The following CDH12 variants were observed in gnomAD, a reference collection of about 807,000 sequenced individuals.
CDH12 encodes cadherin-12.
In CDH12, 41 loss-of-function variants were observed where a neutral mutation model predicts 74.1. That is an observed-to-expected ratio of 0.55 (90% CI 0.43 to 0.72). CDH12 has a LOEUF of 0.72. Among genes scored for constraint, CDH12 ranks in the 30% least tolerant of loss-of-function variants. The probability of loss-of-function intolerance (pLI) is 0.00; values close to 1 mark genes in which losing one functional copy is unlikely to be tolerated. For synonymous variants in CDH12, 399 were observed against 355.0 expected, an observed-to-expected ratio of 1.12 and a Z score of -1.39; for missense variants, 945 against 977.2, an observed-to-expected ratio of 0.97 and a Z score of 0.44.
chr5:22,580,647 G>A (rs139499805), intron 1 of CDH12: 113 of 453,382 alleles, frequency 2.5e-4, no homozygotes, highest in African/African-American at 2.2e-3. Flanking sequence ...CCACAAAATA[G>A]GCACAGCCTG....
chr5:21,857,603 A>G (rs977179523), intron 6 of CDH12, among the ~76,000 whole-genome samples: 2 of 151,940 alleles, frequency 1.3e-5, no homozygotes, highest in African/African-American at 2.4e-5. Flanking sequence ...AAACTATGAT[A>G]AAGCAAAGAA....
chr5:22,442,956 A>T (rs1449524994), intron 2 of CDH12, among the ~76,000 whole-genome samples: 1 of 151,716 alleles, frequency 6.6e-6, no homozygotes, highest in Non-Finnish European at 1.5e-5. Context: ...AGATGAGACA[A>T]CACATTGAAT....
At chr5:21,946,652 G>A (rs1026155218) in intron 6 of CDH12, among the ~76,000 whole-genome samples, 2 of 152,148 alleles carry the variant, frequency 1.3e-5, no homozygotes, top group African/African-American at 4.8e-5. Context: ...GTTTTGCTCA[G>A]CAATAGACTG....
At chr5:21,828,786 A>G (rs1266160234) in intron 8 of CDH12, among the ~76,000 whole-genome samples, 1 of 152,058 alleles carries the variant, frequency 6.6e-6, no homozygotes, top group Non-Finnish European at 1.5e-5. Context: ...ATTTCTATGT[A>G]TAAAATCTAT....
At chr5:21,854,619 G>A (rs1340325087) in intron 7 of CDH12, 52 bp downstream of exon 7, 2 of 1,400,956 alleles carry the variant, frequency 1.4e-6, no homozygotes, top group Non-Finnish European at 1.9e-6. Context: ...TTTAATTAAA[G>A]TTTAAATATT....
intron 1 of CDH12, among the ~76,000 whole-genome samples, chr5:22,850,376 T>C (rs1213621581): frequency 6.6e-6 from 1 of 152,112 alleles, no homozygotes; most frequent in African/African-American, 2.4e-5. Context: ...TTTTAAAAGC[T>C]CTGAGTTTAA....
chr5:22,581,066 T>G (rs1206852533), intron 1 of CDH12, among the ~76,000 whole-genome samples: 1 of 152,184 alleles, frequency 6.6e-6, no homozygotes, highest in Non-Finnish European at 1.5e-5. Context: ...AAAAATCCCA[T>G]TTTCTGGGGA....
chr5:22,613,670 T>C (rs1243781298), intron 1 of CDH12, among the ~76,000 whole-genome samples: 1 of 152,128 alleles, frequency 6.6e-6, no homozygotes, highest in Non-Finnish European at 1.5e-5. Context: ...AAGGATTAAA[T>C]GTGACCAAAA....
intron 1 of CDH12, among the ~76,000 whole-genome samples, chr5:22,752,345 C>T (rs1273702192): frequency 2.0e-5 from 3 of 151,542 alleles, no homozygotes; most frequent in Non-Finnish European, 2.9e-5. Flanking sequence ...ATTAGGCTTT[C>T]AAAGAAGCCG....
At chr5:22,839,596 T>C (rs1478145487) in intron 1 of CDH12, among the ~76,000 whole-genome samples, 2 of 152,096 alleles carry the variant, frequency 1.3e-5, no homozygotes, top group Admixed American at 1.3e-4. Flanking sequence ...ACACATGTGT[T>C]CCTCCTGCCT....
intron 1 of CDH12, among the ~76,000 whole-genome samples, chr5:22,692,629 A>G (rs1433052295): frequency 1.3e-5 from 2 of 152,220 alleles, no homozygotes; most frequent in Non-Finnish European, 2.9e-5. Flanking sequence ...CATTCAAGGT[A>G]TCAGCTGACA....
At chr5:22,410,663 C>T (rs1743135489) in intron 2 of CDH12, among the ~76,000 whole-genome samples, 2 of 152,118 alleles carry the variant, frequency 1.3e-5, no homozygotes, top group South Asian at 2.1e-4. Flanking sequence ...ATTAATCTGC[C>T]TTTTGCAAGT....
At chr5:22,103,425 A>G (rs1457935918) in intron 4 of CDH12, among the ~76,000 whole-genome samples, 1 of 152,190 alleles carries the variant, frequency 6.6e-6, no homozygotes, top group Non-Finnish European at 1.5e-5. Flanking sequence ...GCTGCTCATC[A>G]ACACTGATTT....
chr5:22,321,572 C>G lies in CDH12; in HGVS notation c.-333+83685G>C, dbSNP rs572429699. Among the ~76,000 whole-genome samples the G allele has an allele frequency of 2.7e-5, 4 of 146,724 alleles. No individual in the cohort carries two copies. The South Asian group carries it at 8.9e-4, about 33-fold the overall frequency. On this transcript the variant is annotated intron_variant, in intron 3 of 14. Coordinates refer to ENST00000382254, the MANE Select transcript of CDH12 (RefSeq NM_004061.5). ...TGACGAGTTAGTGGGTGCAGCGCAC[C>G]AGCACGGCACATGTATACATATGTA...
chr5:22,263,770 A>G (rs894009490), intron 3 of CDH12, among the ~76,000 whole-genome samples: 4 of 152,032 alleles, frequency 2.6e-5, no homozygotes, highest in Admixed American at 2.0e-4. Context: ...CACCTTCACA[A>G]TAACTTTGAA....
chr5:22,182,353 T>C (rs1231122260), intron 4 of CDH12, among the ~76,000 whole-genome samples: 1 of 152,156 alleles, frequency 6.6e-6, no homozygotes, highest in South Asian at 2.1e-4. Flanking sequence ...CACATGTTGG[T>C]GTTGTAATTG....
chr5:21,956,480 A>C (rs2150106081), intron 6 of CDH12, among the ~76,000 whole-genome samples: 1 of 152,146 alleles, frequency 6.6e-6, no homozygotes, highest in Non-Finnish European at 1.5e-5. Flanking sequence ...TTTAGACATC[A>C]GTTTTGTCTT....
chr5:22,065,621 T>C (rs1339195483), intron 5 of CDH12, among the ~76,000 whole-genome samples: 3 of 152,100 alleles, frequency 2.0e-5, no homozygotes, highest in Non-Finnish European at 4.4e-5. Flanking sequence ...TGGGAGGGTC[T>C]AGAGGACACA....
At chr5:22,098,222 C>G (rs1321489688) in intron 4 of CDH12, among the ~76,000 whole-genome samples, 1 of 152,160 alleles carries the variant, frequency 6.6e-6, no homozygotes, top group African/African-American at 2.4e-5. Context: ...AGACAGCCCC[C>G]ATTACTTCAG....
Sources: gnomAD v4.1 joint callset for allele counts (sites outside exome capture counted in the v4.1 genomes callset) on GRCh38, gnomAD v4.1.1 for gene constraint, MANE v1.5 for transcripts, NCBI Gene and HGNC (gene_info 2026-07-23, HGNC 2026-07-21) for gene names.